IQGAP2: variants seen among roughly 807,000 people sequenced by gnomAD.
IQGAP2 encodes the protein IQ motif containing GTPase activating protein 2.
A neutral mutation model predicts 201.3 loss-of-function variants in IQGAP2; 173 were observed. The observed-to-expected ratio is 0.86, with a 90% CI of 0.76 to 0.98. The LOEUF (loss-of-function observed/expected upper bound fraction) is 0.98. Ranked by LOEUF, IQGAP2 falls within the 50% of genes least tolerant of loss-of-function variation. IQGAP2 has a pLI of 0.00. For synonymous variants in IQGAP2, 675 were observed against 673.9 expected, an observed-to-expected ratio of 1.00 and a Z score of -0.03; for missense variants, 1,687 against 1,864.8, an observed-to-expected ratio of 0.90 and a Z score of 1.76.
chr5:76,536,031 C>T (rs17748061), intron 2 of IQGAP2, among the ~76,000 whole-genome samples: 3,432 of 150,604 alleles, frequency 0.023, 116 homozygotes, highest in East Asian at 0.15. Context: ...TCTCCTAGCA[C>T]GTACCCATTT....
intron 2 of IQGAP2, among the ~76,000 whole-genome samples, chr5:76,481,676 A>C (rs927128769): frequency 6.6e-6 from 1 of 152,044 alleles, no homozygotes; most frequent in East Asian, 1.9e-4. Context: ...GAGCCACCAC[A>C]CCCGATCCAA....
chr5:76,515,086 A>G (rs922125925), intron 2 of IQGAP2, among the ~76,000 whole-genome samples: 4 of 152,192 alleles, frequency 2.6e-5, no homozygotes, highest in Non-Finnish European at 5.9e-5. Flanking sequence ...CTGCTCTACT[A>G]TGTATTGAAT....
At chr5:76,551,639 G>A (rs1179294468) in intron 2 of IQGAP2, among the ~76,000 whole-genome samples, 5 of 134,050 alleles carry the variant, frequency 3.7e-5, no homozygotes, top group African/African-American at 9.3e-5. Context: ...GATCACTCGC[G>A]GTCCAGAGCT....
intron 12 of IQGAP2, chr5:76,608,130 G>C (rs1747960135): frequency 6.6e-6 from 1 of 152,178 alleles, no homozygotes; most frequent in Admixed American, 6.6e-5. Context: ...TTAGAAAATA[G>C]TCTTTTGTAA....
intron 12 of IQGAP2, chr5:76,607,582 A>G (rs1354099806): frequency 2.0e-5 from 3 of 152,156 alleles, no homozygotes; most frequent in Non-Finnish European, 4.4e-5. Context: ...CGGCTTGCTC[A>G]CACCCCACTT....
intron 17 of IQGAP2, among the ~76,000 whole-genome samples, chr5:76,647,636 A>C (rs949199563): frequency 2.6e-5 from 4 of 152,140 alleles, no homozygotes; most frequent in Admixed American, 6.5e-5. Flanking sequence ...CCCCAGCCAC[A>C]TGGAACTGTG....
intron 2 of IQGAP2, among the ~76,000 whole-genome samples, chr5:76,521,694 C>T (rs1239916793): frequency 2.0e-5 from 3 of 152,178 alleles, no homozygotes; most frequent in Non-Finnish European, 2.9e-5. Flanking sequence ...CATCAACACA[C>T]GTCACTGTAG....
intron 34 of IQGAP2, chr5:76,701,909 C>T: frequency 6.5e-6 from 1 of 153,040 alleles, no homozygotes; most frequent in Non-Finnish European, 1.5e-5. Context: ...GATCTTGGCT[C>T]ACTGCAACCT....
chr5:76,550,781 C>G (rs1743411862), intron 2 of IQGAP2, among the ~76,000 whole-genome samples: 1 of 152,252 alleles, frequency 6.6e-6, no homozygotes, highest in Non-Finnish European at 1.5e-5. Context: ...ACAATCTGAT[C>G]TCTCTTTCTT....
chr5:76,661,967 C>T (rs1310022863), intron 21 of IQGAP2, among the ~76,000 whole-genome samples: 8 of 152,218 alleles, frequency 5.3e-5, no homozygotes, highest in South Asian at 2.1e-4. Flanking sequence ...AAGCCAAATA[C>T]GGTTGCTCTT....
chr5:76,673,617 A>G lies in IQGAP2; in HGVS notation c.3209+28A>G, dbSNP rs199841022. 2.5e-5 allele frequency: 41 copies of G among 1,610,172 alleles called. No homozygotes were observed. In the East Asian group the frequency reaches 7.8e-4, roughly 31 times the overall value. ...AAGTTGTACTTGCAGCAAGTTTAACATTCTTTCCTGGAACGTTCTTGGAAT... is the reference window on the plus strand; with the variant it reads ...AAGTTGTACTTGCAGCAAGTTTAACGTTCTTTCCTGGAACGTTCTTGGAAT... On this transcript the variant is annotated intron_variant, in intron 25 of 35. Coordinates refer to ENST00000274364, the MANE Select transcript of IQGAP2 (RefSeq NM_006633.5).
chr5:76,471,991 G>C (rs74844736), intron 2 of IQGAP2, among the ~76,000 whole-genome samples: 3,170 of 152,208 alleles, frequency 0.021, 113 homozygotes, highest in African/African-American at 0.072. Context: ...TTCTCTCCCT[G>C]GCTCTGACCT....
intron 30 of IQGAP2, among the ~76,000 whole-genome samples, chr5:76,692,936 C>G: frequency 6.6e-6 from 1 of 152,150 alleles, no homozygotes; most frequent in Non-Finnish European, 1.5e-5. Context: ...TAAGCCAGCT[C>G]AGAAGTCTAG....
intron 35 of IQGAP2, among the ~76,000 whole-genome samples, chr5:76,702,827 T>A (rs1041873697): frequency 6.6e-6 from 1 of 152,072 alleles, no homozygotes; most frequent in Non-Finnish European, 1.5e-5. Flanking sequence ...TAAGCCATGT[T>A]TCCATTTTAA....
chr5:76,636,858 G>A lies in IQGAP2; in HGVS notation c.1781-176G>A, dbSNP rs546142136. 5.3e-5 allele frequency among the ~76,000 whole-genome samples: 8 copies of A among 152,312 alleles called. No individual in the cohort carries two copies. The East Asian group carries it at 1.3e-3, about 26-fold the overall frequency. On this transcript the variant is annotated intron_variant, in intron 15 of 35. Transcript: ENST00000274364. ...CTCTTCCTTTTCTTTGGGTTAGCAG[G>A]CATCTGCCATTAAATACATCGAATT...
At chr5:76,456,326 T>A (rs933442965) in intron 1 of IQGAP2, among the ~76,000 whole-genome samples, 8 of 152,240 alleles carry the variant, frequency 5.3e-5, no homozygotes, top group African/African-American at 1.9e-4. Flanking sequence ...AACTTCGGCC[T>A]AGGGTTTGCC....
intron 17 of IQGAP2, among the ~76,000 whole-genome samples, chr5:76,650,032 G>A (rs1752391702): frequency 6.6e-6 from 1 of 152,362 alleles, no homozygotes; most frequent in Middle Eastern, 3.4e-3. Context: ...CGGCTGGGAT[G>A]CAGGGATTAC....
intron 17 of IQGAP2, among the ~76,000 whole-genome samples, chr5:76,642,785 C>T (rs981352345): frequency 3.3e-5 from 5 of 152,098 alleles, no homozygotes; most frequent in African/African-American, 9.7e-5. Flanking sequence ...ACTCCTAGGC[C>T]GAGGCCAGCT....
At chr5:76,485,363 T>C (rs1213085742) in intron 2 of IQGAP2, among the ~76,000 whole-genome samples, 1 of 152,210 alleles carries the variant, frequency 6.6e-6, no homozygotes, top group East Asian at 1.9e-4. Flanking sequence ...AGCTTCAAAA[T>C]GTCTTTGCTT....
Sources: gnomAD v4.1 joint callset for allele counts (sites outside exome capture counted in the v4.1 genomes callset) on GRCh38, gnomAD v4.1.1 for gene constraint, MANE v1.5 for transcripts, NCBI Gene and HGNC (gene_info 2026-07-23, HGNC 2026-07-21) for gene names.